Variants in DPF3 observed in about 807,000 individuals in gnomAD.
DPF3 encodes double PHD fingers 3, also known as zinc finger protein DPF3.
Under a neutral mutation model 56.8 loss-of-function variants are expected in DPF3, and 18 were observed. That is an observed-to-expected ratio of 0.32 (90% CI 0.22 to 0.47). The LOEUF is 0.47. DPF3 is among the 20% of genes least tolerant of loss of function. The probability of loss-of-function intolerance (pLI) is 1.00; values close to 1 mark genes in which losing one functional copy is unlikely to be tolerated. For missense variants in DPF3, 403 were observed against 488.8 expected (o/e 0.82, Z 1.65); for synonymous variants, 188 against 180.2 (o/e 1.04, Z -0.35).
intron 4 of DPF3, chr14:72,731,599 AC>A (rs1889648064): frequency 3.3e-6 from 2 of 602,736 alleles, no homozygotes; most frequent in Non-Finnish European, 5.7e-6. Context: ...AGGGAAGGGA[AC>A]CGAGGTGAAG....
At chr14:72,792,391 AT>A (rs1818272962) in intron 1 of DPF3, among the ~76,000 whole-genome samples, 1 of 152,166 alleles carries the variant, frequency 6.6e-6, no homozygotes, top group Admixed American at 6.5e-5. Context: ...TTCGCTTTTT[AT>A]TTTTTAGGAA....
chr14:72,831,852 A>G (rs1884074216), intron 1 of DPF3, among the ~76,000 whole-genome samples: 1 of 152,238 alleles, frequency 6.6e-6, no homozygotes, highest in African/African-American at 2.4e-5. Flanking sequence ...GGTGAATCTA[A>G]GCAAAGGGGA....
Position 72,619,333 on chromosome 14 carries a change from G to C in DPF3, c.1101C>G (p.Leu367=). The C allele has an allele frequency of 6.5e-7, 1 of 1,536,128 alleles. No homozygotes were observed. Among genetic ancestry groups the C allele is most frequent in the African/African-American group, 1.4e-5 (1 of 73,178 alleles). ...SWSCHLCWEL[L]KEKASAFGCQ... is the part of the protein sequence containing the mutation. ...AGCCAAAGGCTGAGGCTTTCTCTTTGAGCAGTTCCCAGCATAAGTGGCAGC... is the reference window on the plus strand; with the variant it reads ...AGCCAAAGGCTGAGGCTTTCTCTTTCAGCAGTTCCCAGCATAAGTGGCAGC... Residue 367 remains leucine, a synonymous_variant, in exon 11 of 11, where the codon CTC becomes CTG. Transcript: ENST00000556509.
chr14:72,856,789 C>T (rs1241897189), intron 1 of DPF3, among the ~76,000 whole-genome samples: 1 of 152,148 alleles, frequency 6.6e-6, no homozygotes, highest in Non-Finnish European at 1.5e-5. Flanking sequence ...TTTTCACCTG[C>T]GCAGGCTATA....
chr14:72,658,301 T>C (rs1446588662), intron 8 of DPF3, among the ~76,000 whole-genome samples: 1 of 152,134 alleles, frequency 6.6e-6, no homozygotes, highest in East Asian at 1.9e-4. Context: ...ACAAAAAATT[T>C]AAAAAATTTG....
At chr14:72,879,386 A>G (rs1350149229) in intron 1 of DPF3, among the ~76,000 whole-genome samples, 5 of 151,902 alleles carry the variant, frequency 3.3e-5, no homozygotes, top group African/African-American at 1.2e-4. Flanking sequence ...CTCCAAAAAA[A>G]AAAAAAAAAG....
intron 1 of DPF3, among the ~76,000 whole-genome samples, chr14:72,798,254 CAAAAAAAAAAAAAAAAA>C (rs35648169): frequency 3.7e-5 from 2 of 53,946 alleles, no homozygotes; most frequent in African/African-American, 1.1e-4. Context: ...GCCTTCATCT[CAAAAAAAAAAAAAAAAA>C]AAAAAAAAAA....
intron 8 of DPF3, among the ~76,000 whole-genome samples, chr14:72,660,755 A>ATGATGG (rs753091163): frequency 5.9e-5 from 9 of 152,166 alleles, no homozygotes; most frequent in South Asian, 2.1e-4. Flanking sequence ...GGAGAGGGTG[A>ATGATGG]TGATGGTGAT....
At chr14:72,644,492 T>G (rs902158962) in intron 8 of DPF3, among the ~76,000 whole-genome samples, 1 of 152,214 alleles carries the variant, frequency 6.6e-6, no homozygotes, top group African/African-American at 2.4e-5. Context: ...GCTTTCTTTT[T>G]TTCCTCTGGA....
At chr14:72,738,804 G>C (rs1490282348) in intron 3 of DPF3, among the ~76,000 whole-genome samples, 2 of 152,290 alleles carry the variant, frequency 1.3e-5, no homozygotes, top group African/African-American at 4.8e-5. Flanking sequence ...AGAATGTGGA[G>C]TGATAGATAC....
At position 72,618,173 on chromosome 14, in the gene DPF3, C is replaced by T. The variant is rs183862510; in HGVS notation, c.*1124G>A. On this transcript the variant is annotated 3_prime_UTR_variant, in exon 11 of 11. Coordinates refer to ENST00000556509, the MANE Select transcript of DPF3 (RefSeq NM_001280542.3). ...CTGGTCGTGAATAATGACCATGTCA[C>T]CCTAATTATTTGTTTAGATAACAAT... Among the ~76,000 whole-genome samples, 1 of 152,254 alleles carries T rather than the reference C, an allele frequency of 6.6e-6. No individual in the cohort carries two copies. The highest frequency in any genetic ancestry group is 1.9e-4 in the East Asian group (1 of 5,178).
At chr14:72,686,931 C>T (rs562458641) in intron 7 of DPF3, among the ~76,000 whole-genome samples, 4 of 152,304 alleles carry the variant, frequency 2.6e-5, no homozygotes, top group Admixed American at 2.6e-4. Flanking sequence ...AAGCTTTTGG[C>T]CGCCCTCAAG....
At chr14:72,863,711 G>A (rs530535807) in intron 1 of DPF3, among the ~76,000 whole-genome samples, 3 of 152,314 alleles carry the variant, frequency 2.0e-5, no homozygotes, top group Non-Finnish European at 2.9e-5. Context: ...CAGCAGACCA[G>A]AGATAGCTAA....
chr14:72,721,665 C>G (rs907894518), intron 5 of DPF3, among the ~76,000 whole-genome samples: 14 of 152,094 alleles, frequency 9.2e-5, no homozygotes, highest in Admixed American at 1.3e-4. Flanking sequence ...GGGTATGCCC[C>G]TGATGTGATA....
chr14:72,768,872 C>T (rs1346340759), intron 2 of DPF3, among the ~76,000 whole-genome samples: 2 of 151,174 alleles, frequency 1.3e-5, no homozygotes, highest in Non-Finnish European at 2.9e-5. Flanking sequence ...TATCTTAAAC[C>T]TTTTTCAGTA....
chr14:72,633,142 T>C (rs570878322), intron 8 of DPF3, among the ~76,000 whole-genome samples: 14 of 152,230 alleles, frequency 9.2e-5, no homozygotes, highest in African/African-American at 3.4e-4. Context: ...ACTAGGTAGA[T>C]TGTAGATTAC....
intron 1 of DPF3, among the ~76,000 whole-genome samples, chr14:72,792,094 C>T (rs1006478115): frequency 5.9e-5 from 9 of 152,166 alleles, no homozygotes; most frequent in African/African-American, 1.4e-4. Context: ...CCCCCACCCC[C>T]GCCCCCAACC....
intron 1 of DPF3, among the ~76,000 whole-genome samples, chr14:72,838,048 A>G (rs564870007): frequency 6.6e-6 from 1 of 152,296 alleles, no homozygotes; most frequent in African/African-American, 2.4e-5. Context: ...CTCCAGTGCC[A>G]GCTGCAGCAA....
chr14:72,750,424 TAAGAATA>T (rs2139895765), intron 3 of DPF3, among the ~76,000 whole-genome samples: 1 of 152,334 alleles, frequency 6.6e-6, no homozygotes, highest in East Asian at 1.9e-4. Context: ...ATAGAAATGT[TAAGAATA>T]AAGACTAATA....
Sources: gnomAD v4.1 joint callset for allele counts (sites outside exome capture counted in the v4.1 genomes callset) on GRCh38, gnomAD v4.1.1 for gene constraint, MANE v1.5 for transcripts, NCBI Gene and HGNC (gene_info 2026-07-23, HGNC 2026-07-21) for gene names.